MACROD2: variants seen among roughly 807,000 people sequenced by gnomAD.
MACROD2 encodes mono-ADP ribosylhydrolase 2, also known as ADP-ribose glycohydrolase MACROD2.
Under a neutral mutation model 70.4 loss-of-function variants are expected in MACROD2, and 36 were observed. The ratio of observed to expected loss-of-function variants is 0.51; its 90% CI spans 0.39 to 0.68. The LOEUF is 0.68. MACROD2 is among the 30% of genes least tolerant of loss of function. The pLI is 0.00. For missense variants in MACROD2, 496 were observed against 538.4 expected (o/e 0.92, Z 0.78); for synonymous variants, 172 against 178.8 (o/e 0.96, Z 0.30).
chr20:15,302,582 C>T lies in MACROD2; in HGVS notation c.540+72521C>T, dbSNP rs73614405. On this transcript the variant is annotated intron_variant, in intron 6 of 17. Coordinates refer to ENST00000684519, the MANE Select transcript of MACROD2 (RefSeq NM_001351661.2). ...AACCATTCCTCTGTTGATGGATATTCCATTTGCTTCAGACATTTTCTACTC... is the reference window on the plus strand; with the variant it reads ...AACCATTCCTCTGTTGATGGATATTTCATTTGCTTCAGACATTTTCTACTC... 9.6e-3 allele frequency among the ~76,000 whole-genome samples: 1,468 copies of T among 152,248 alleles called. 47 individuals carry two copies. The highest frequency in any genetic ancestry group is 0.053 in the East Asian group (275 of 5,180).
chr20:14,389,952 TA>T (rs758599752), intron 3 of MACROD2, among the ~76,000 whole-genome samples: 2 of 152,162 alleles, frequency 1.3e-5, no homozygotes, highest in African/African-American at 4.8e-5. Flanking sequence ...AGAGAGGAAG[TA>T]AACTATCCCT....
At chr20:14,064,968 T>G (rs1454761811) in intron 2 of MACROD2, among the ~76,000 whole-genome samples, 1 of 152,204 alleles carries the variant, frequency 6.6e-6, no homozygotes, top group Admixed American at 6.5e-5. Flanking sequence ...AGAAAATGAT[T>G]TTGGTATTTT....
At chr20:15,476,570 GCC>G (rs10596676) in intron 7 of MACROD2, among the ~76,000 whole-genome samples, 46,229 of 150,100 alleles carry the variant, frequency 0.31, 8,747 homozygotes, top group African/African-American at 0.55. Context: ...TTGTTGTTTT[GCC>G]CCCCCCCGGT....
intron 8 of MACROD2, among the ~76,000 whole-genome samples, chr20:15,516,422 A>G (rs1330144734): frequency 1.3e-5 from 2 of 152,176 alleles, no homozygotes; most frequent in Non-Finnish European, 2.9e-5. Context: ...CACTATTTAT[A>G]CAAAAGCAGT....
intron 5 of MACROD2, among the ~76,000 whole-genome samples, chr20:15,172,594 G>A (rs550197275): frequency 6.6e-6 from 1 of 152,092 alleles, no homozygotes; most frequent in African/African-American, 2.4e-5. Context: ...TAATTTTGTA[G>A]AGATGGGATC....
chr20:14,700,365 A>G (rs976627071), intron 5 of MACROD2, among the ~76,000 whole-genome samples: 2 of 152,170 alleles, frequency 1.3e-5, no homozygotes, highest in Non-Finnish European at 2.9e-5. Flanking sequence ...GAACTGTTTC[A>G]AAAATTTTCA....
At chr20:15,329,863 G>T (rs1426843906) in intron 6 of MACROD2, among the ~76,000 whole-genome samples, 1 of 151,992 alleles carries the variant, frequency 6.6e-6, no homozygotes, top group Non-Finnish European at 1.5e-5. Context: ...TGCACCTTTG[G>T]CATTTGAGAA....
chr20:14,229,517 A>G (rs1212242031), intron 3 of MACROD2, among the ~76,000 whole-genome samples: 1 of 152,248 alleles, frequency 6.6e-6, no homozygotes, highest in Non-Finnish European at 1.5e-5. Context: ...TAAAATAACA[A>G]TTAGCTATCA....
At chr20:15,496,890 A>T (rs1256052170) in intron 7 of MACROD2, among the ~76,000 whole-genome samples, 5 of 152,096 alleles carry the variant, frequency 3.3e-5, no homozygotes, top group Non-Finnish European at 7.4e-5. Flanking sequence ...GGCTTGCAGG[A>T]TAGATTGGAG....
chr20:15,443,651 C>T (rs901999434), intron 7 of MACROD2, among the ~76,000 whole-genome samples: 27 of 152,266 alleles, frequency 1.8e-4, no homozygotes, highest in African/African-American at 6.0e-4. Flanking sequence ...GTAATTGTGA[C>T]TTAGCTTATG....
chr20:15,310,124 C>T (rs2077736479), intron 6 of MACROD2, among the ~76,000 whole-genome samples: 1 of 152,164 alleles, frequency 6.6e-6, no homozygotes, highest in Admixed American at 6.6e-5. Flanking sequence ...AGATAATACT[C>T]ATTTCTCAGG....
intron 7 of MACROD2, 150 bp downstream of exon 7, chr20:15,431,585 C>A: frequency 1.4e-6 from 1 of 689,814 alleles, no homozygotes. Context: ...TAAAGAATGT[C>A]ATGAGGCTAT....
chr20:15,892,826 G>A (rs2064909969), intron 10 of MACROD2: 2 of 395,568 alleles, frequency 5.1e-6, no homozygotes, highest in Middle Eastern at 6.3e-4. Context: ...GATTCAGCGT[G>A]TGTGTAGGTT....
intron 5 of MACROD2, among the ~76,000 whole-genome samples, chr20:15,207,218 T>G (rs963828273): frequency 2.6e-5 from 4 of 152,158 alleles, no homozygotes; most frequent in Non-Finnish European, 5.9e-5. Context: ...TTTCAAGAAC[T>G]TTAGCCATTC....
rs1295476640 is a variant in MACROD2 at position 14,313,953 on chromosome 20, T to TC, written c.272-179523dup. The stretch of plus-strand genomic sequence containing the variant: ...CATGTACCTGGCTGTTAACACTTTT[T>TC]CCCAATAAAAGTGATTCTAATACCA... On this transcript the variant is annotated intron_variant, in intron 3 of 17. Coordinates refer to ENST00000684519, the MANE Select transcript of MACROD2 (RefSeq NM_001351661.2). Among the ~76,000 whole-genome samples, 3 of 152,318 alleles carry TC rather than the reference T, an allele frequency of 2.0e-5. No individual in the cohort carries two copies. In the East Asian group the frequency reaches 5.8e-4, roughly 29 times the overall value.
At chr20:14,174,663 A>C (rs1294604235) in intron 3 of MACROD2, among the ~76,000 whole-genome samples, 1 of 152,006 alleles carries the variant, frequency 6.6e-6, no homozygotes, top group East Asian at 1.9e-4. Flanking sequence ...GTGTCTATAC[A>C]CGTGATTTGC....
chr20:14,260,169 AC>A (rs2082090441), intron 3 of MACROD2, among the ~76,000 whole-genome samples: 1 of 152,158 alleles, frequency 6.6e-6, no homozygotes, highest in African/African-American at 2.4e-5. Context: ...TAAGAAGAAC[AC>A]TGTTTTGTGT....
intron 3 of MACROD2, among the ~76,000 whole-genome samples, chr20:14,414,936 T>C (rs1361989034): frequency 1.3e-5 from 2 of 152,006 alleles, no homozygotes; most frequent in Non-Finnish European, 2.9e-5. Flanking sequence ...TATGTTTTTT[T>C]TTTTTTCCCA....
At chr20:14,877,702 A>G (rs2073565979) in intron 5 of MACROD2, among the ~76,000 whole-genome samples, 1 of 151,982 alleles carries the variant, frequency 6.6e-6, no homozygotes, top group African/African-American at 2.4e-5. Flanking sequence ...GATTCTATTG[A>G]AAGCTATTTT....
Sources: allele counts gnomAD v4.1 joint callset (sites outside exome capture counted in the v4.1 genomes callset), GRCh38; gene constraint gnomAD v4.1.1; transcripts MANE v1.5; gene names NCBI Gene and HGNC (gene_info 2026-07-23, HGNC 2026-07-21).